The following SPATA7 variants were observed in gnomAD, a reference collection of about 807,000 sequenced individuals.
SPATA7 encodes spermatogenesis-associated protein 7.
A neutral mutation model predicts 51.8 loss-of-function variants in SPATA7; 43 were observed. The ratio of observed to expected loss-of-function variants is 0.83; its 90% confidence interval spans 0.65 to 1.07. SPATA7 has a LOEUF of 1.07. Among genes scored for constraint, SPATA7 ranks in the 50% least tolerant of loss-of-function variants. SPATA7 has a pLI of 0.00. For synonymous variants in SPATA7, 230 were observed against 252.8 expected (o/e 0.91, Z 0.86); for missense variants, 683 against 701.3 (o/e 0.97, Z 0.30).
At chr14:88,385,899 C>T (rs1355527422) in intron 1 of SPATA7, 62 bp downstream of exon 1, 2 of 1,560,312 alleles carry the variant, frequency 1.3e-6, no homozygotes, top group African/African-American at 1.4e-5. Flanking sequence ...GCGCTCCCAG[C>T]CTCGGGTCCG....
At chr14:88,407,309 CT>C in intron 4 of SPATA7, among the ~76,000 whole-genome samples, 1 of 152,320 alleles carries the variant, frequency 6.6e-6, no homozygotes, top group Middle Eastern at 3.4e-3. Flanking sequence ...GATCGCTATT[CT>C]AACTGGCATG....
At chr14:88,406,391 C>T (rs962772373) in intron 4 of SPATA7, among the ~76,000 whole-genome samples, 9 of 150,064 alleles carry the variant, frequency 6.0e-5, no homozygotes, top group South Asian at 2.1e-4. Context: ...TTTGCAGCCA[C>T]GCTGCAAATT....
intron 1 of SPATA7, among the ~76,000 whole-genome samples, chr14:88,386,354 C>T (rs1170810445): frequency 6.6e-6 from 1 of 152,172 alleles, no homozygotes; most frequent in Non-Finnish European, 1.5e-5. Flanking sequence ...AACTACCTCC[C>T]CCAAAGCTAC....
Position 88,416,773 on chromosome 14 carries a change from A to G in SPATA7, c.301A>G (p.Lys101Glu). ...ATTAGCACAATGTGAAAAAGAGTTC[A>G]AATTAACTAAAACTGCAATGCGAGC... Reference protein sequence around the residue: ...KELAQCEKEFKLTKTAMRANY... With the variant: ...KELAQCEKEFELTKTAMRANY... The change falls in exon 5 of 12, where the codon AAA (lysine) becomes GAA (glutamate). Residue 101 changes from lysine to glutamate, a missense_variant. Transcript: ENST00000393545. 1 of 1,612,592 alleles carries G rather than the reference A, an allele frequency of 6.2e-7. No individual in the cohort carries two copies. The highest frequency in any genetic ancestry group is 8.5e-7 in the Non-Finnish European group (1 of 1,178,796).
intron 3 of SPATA7, among the ~76,000 whole-genome samples, chr14:88,444,650 C>T (rs958631717): frequency 0.026 from 3,888 of 152,056 alleles, 173 homozygotes; most frequent in African/African-American, 0.089. Flanking sequence ...CCATCCTGAA[C>T]TGATTTTCGT....
intron 5 of SPATA7, among the ~76,000 whole-genome samples, chr14:88,425,758 A>G (rs1326707568): frequency 6.6e-6 from 1 of 152,130 alleles, no homozygotes; most frequent in Non-Finnish European, 1.5e-5. Context: ...TCAGGGCTCC[A>G]TACATTATGA....
chr14:88,453,230 T>G (rs553849311), intron 3 of SPATA7, among the ~76,000 whole-genome samples: 1 of 152,328 alleles, frequency 6.6e-6, no homozygotes, highest in South Asian at 2.1e-4. Context: ...AATGGGAGGT[T>G]TAGCTTCAGA....
intron 3 of SPATA7, among the ~76,000 whole-genome samples, chr14:88,453,129 G>A (rs2077263291): frequency 6.6e-6 from 1 of 152,184 alleles, no homozygotes; most frequent in Admixed American, 6.6e-5. Flanking sequence ...TCTCTAGACT[G>A]TAAGATTCTC....
chr14:88,416,663 A>G (rs778645976), intron 4 of SPATA7, 48 bp from the exon 5 acceptor site: 2 of 1,603,494 alleles, frequency 1.2e-6, no homozygotes, highest in Non-Finnish European at 1.7e-6. Context: ...CCAAAAAACC[A>G]ATTTTCTATT....
intron 3 of SPATA7, among the ~76,000 whole-genome samples, chr14:88,447,176 G>A (rs1461064638): frequency 6.7e-6 from 1 of 148,496 alleles, no homozygotes; most frequent in African/African-American, 2.6e-5. Context: ...TCCTGTATTG[G>A]GTGCATATAT....
intron 10 of SPATA7, among the ~76,000 whole-genome samples, chr14:88,435,820 A>G (rs2077071518): frequency 6.6e-6 from 1 of 152,074 alleles, no homozygotes; most frequent in African/African-American, 2.4e-5. Context: ...TTTTTTATCC[A>G]TTCATTTGTT....
chr14:88,457,078 G>A (rs111569678), downstream of SPATA7, among the ~76,000 whole-genome samples: 7 of 152,204 alleles, frequency 4.6e-5, no homozygotes, highest in Middle Eastern at 3.4e-3. Context: ...TGTTCCATTG[G>A]TCTATATCTC....
chr14:88,442,211 G>C (rs1032119122), downstream of SPATA7, among the ~76,000 whole-genome samples: 2 of 125,578 alleles, frequency 1.6e-5, no homozygotes, highest in East Asian at 4.4e-4. Flanking sequence ...TGTTTTTGAG[G>C]CAGAGTCTCA....
At position 88,391,432 on chromosome 14, in the gene SPATA7, G is replaced by T; in HGVS notation, c.71G>T (p.Gly24Val). The change falls in exon 2 of 12, where the codon GGA becomes GTA. Residue 24 changes from glycine (G) to valine (V), a missense_variant. Transcript: ENST00000393545. ...TATGGTCCACCGTGCCTATTTAAAG[G>T]ACACTTGAGCACCAAAAGTAATGGT... ...PRYGPPCLFKGHLSTKSNAFC... is the reference protein window; with the variant it reads ...PRYGPPCLFKVHLSTKSNAFC... 7 of 1,613,694 alleles carry T rather than the reference G, an allele frequency of 4.3e-6. No individual in the cohort carries two copies. Among genetic ancestry groups the T allele is most frequent in the Non-Finnish European group, 5.9e-6 (7 of 1,179,818 alleles).
At chr14:88,414,350 GTCT>G (rs1237315031) in intron 4 of SPATA7, among the ~76,000 whole-genome samples, 5 of 151,998 alleles carry the variant, frequency 3.3e-5, no homozygotes, top group Non-Finnish European at 7.4e-5. Flanking sequence ...ATGCATAAAA[GTCT>G]TCTTAATAGT....
At chr14:88,388,841 G>A (rs2075657184) in intron 1 of SPATA7, among the ~76,000 whole-genome samples, 1 of 152,192 alleles carries the variant, frequency 6.6e-6, no homozygotes, top group African/African-American at 2.4e-5. Flanking sequence ...TTCTCCCAAA[G>A]ACTGGGGTTC....
chr14:88,453,027 G>A (rs2077262633), intron 3 of SPATA7, among the ~76,000 whole-genome samples: 1 of 152,092 alleles, frequency 6.6e-6, no homozygotes, highest in African/African-American at 2.4e-5. Flanking sequence ...AAACCTTGAG[G>A]GATTGCCCTA....
intron 4 of SPATA7, among the ~76,000 whole-genome samples, chr14:88,403,892 G>T (rs990002669): frequency 6.6e-6 from 1 of 151,774 alleles, no homozygotes; most frequent in African/African-American, 2.4e-5. Context: ...CAGTACATCT[G>T]TGTTCTCACC....
At chr14:88,470,267 G>A in exon 5 of SPATA7, 1 of 563,584 alleles carries the variant, frequency 1.8e-6, no homozygotes, top group South Asian at 2.2e-5. Flanking sequence ...TAGGTACTGT[G>A]AATATACATA....
Sources: allele counts gnomAD v4.1 joint callset (sites outside exome capture counted in the v4.1 genomes callset), GRCh38; gene constraint gnomAD v4.1.1; transcripts MANE v1.5; gene names NCBI Gene and HGNC (gene_info 2026-07-23, HGNC 2026-07-21).